Variants in RNF180 observed in about 807,000 individuals in gnomAD.
RNF180 encodes the protein E3 ubiquitin-protein ligase RNF180.
In RNF180, 38 loss-of-function variants were observed where a neutral mutation model predicts 59.2. The ratio of observed to expected loss-of-function variants is 0.64; its 90% CI spans 0.50 to 0.84. The LOEUF (loss-of-function observed/expected upper bound fraction) is 0.84. Ranked by LOEUF, RNF180 falls within the 40% of genes least tolerant of loss-of-function variation. The probability of loss-of-function intolerance (pLI) is 0.00; values close to 1 mark genes in which losing one functional copy is unlikely to be tolerated. For synonymous variants in RNF180, 262 were observed against 240.3 expected (o/e 1.09, Z -0.84); for missense variants, 705 against 700.9 (o/e 1.01, Z -0.07).
chr5:64,252,554 T>G (rs965708), intron 5 of RNF180, among the ~76,000 whole-genome samples: 1 of 151,906 alleles, frequency 6.6e-6, no homozygotes, highest in Non-Finnish European at 1.5e-5. Flanking sequence ...ACATACAAGG[T>G]TTTTTGTCAA....
At chr5:64,362,126 G>C (rs1218622006) in intron 7 of RNF180, among the ~76,000 whole-genome samples, 1 of 151,400 alleles carries the variant, frequency 6.6e-6, no homozygotes. Flanking sequence ...ACATGTGCAA[G>C]TTTGTTATAT....
intron 7 of RNF180, among the ~76,000 whole-genome samples, chr5:64,330,695 A>T (rs1039412013): frequency 3.9e-5 from 6 of 152,246 alleles, no homozygotes; most frequent in African/African-American, 1.4e-4. Context: ...AAAGTATCAG[A>T]TTTGACAAAG....
intron 5 of RNF180, among the ~76,000 whole-genome samples, chr5:64,234,986 C>T (rs1742346740): frequency 1.3e-5 from 2 of 152,044 alleles, no homozygotes. Context: ...AAGCAAAAAA[C>T]AAAGCAGGGG....
Position 64,365,742 on chromosome 5 carries a change from G to A in RNF180, c.1580-3873G>A, listed in dbSNP as rs114745813. Among the ~76,000 whole-genome samples, 1,272 of 151,656 alleles carry A rather than the reference G, an allele frequency of 8.4e-3. 17 individuals are homozygous for A. The highest frequency in any genetic ancestry group is 0.029 in the African/African-American group (1,210 of 41,458). On this transcript the variant is annotated intron_variant, in intron 7 of 7. Coordinates refer to ENST00000389100, the MANE Select transcript of RNF180 (RefSeq NM_001113561.2). ...TTACCGTTATGTAATGCCCCTCTTT[G>A]TCTTTTTTTATCTTTGTTGGTTTAA... is the stretch of plus-strand genomic sequence containing the variant.
At chr5:64,253,951 A>G (rs4700621) in intron 5 of RNF180, among the ~76,000 whole-genome samples, 23,971 of 151,990 alleles carry the variant, frequency 0.16, 2,554 homozygotes, top group East Asian at 0.59. Context: ...TTAAAAGTGA[A>G]CTTATTTTTT....
chr5:64,178,290 T>TA (rs1456527138), intron 1 of RNF180, among the ~76,000 whole-genome samples: 2 of 151,702 alleles, frequency 1.3e-5, no homozygotes, highest in African/African-American at 4.8e-5. Context: ...AGGGAATATA[T>TA]ATACCCCAGC....
At chr5:64,172,279 AG>A (rs1749979251) in intron 1 of RNF180, among the ~76,000 whole-genome samples, 1 of 152,174 alleles carries the variant, frequency 6.6e-6, no homozygotes, top group Admixed American at 6.5e-5. Context: ...ATGTACAAAA[AG>A]GATTACAGGT....
At chr5:64,174,404 C>T (rs1217618671) in intron 1 of RNF180, among the ~76,000 whole-genome samples, 2 of 152,170 alleles carry the variant, frequency 1.3e-5, no homozygotes, top group African/African-American at 4.8e-5. Flanking sequence ...AATGGCTGGA[C>T]AAATTTACAT....
At chr5:64,299,546 A>T (rs997207665) in intron 5 of RNF180, among the ~76,000 whole-genome samples, 5 of 152,000 alleles carry the variant, frequency 3.3e-5, no homozygotes, top group African/African-American at 1.2e-4. Context: ...TATTTTAAAA[A>T]TTGATTTAAA....
chr5:64,301,340 A>G (rs1192224083), intron 5 of RNF180, among the ~76,000 whole-genome samples: 1 of 151,774 alleles, frequency 6.6e-6, no homozygotes, highest in Non-Finnish European at 1.5e-5. Flanking sequence ...TTGATCTGCA[A>G]ACGTCAAAAT....
At chr5:64,318,184 G>A (rs575996500) in intron 5 of RNF180, among the ~76,000 whole-genome samples, 2 of 152,138 alleles carry the variant, frequency 1.3e-5, no homozygotes, top group Admixed American at 6.5e-5. Flanking sequence ...TTAAAAATTA[G>A]TCACAGTAAG....
rs73100373 is a variant in RNF180 at position 64,184,749 on chromosome 5, G to A, written c.1-16059G>A. ...TGGTGATGCCTTTGGAACACCTGGC[G>A]GATATGGTGTGAAACTCTGTTTCCA... On this transcript the variant is annotated intron_variant, in intron 1 of 7. Coordinates refer to ENST00000389100, the MANE Select transcript of RNF180 (RefSeq NM_001113561.2). Among the ~76,000 whole-genome samples, 747 of 152,224 alleles carry A rather than the reference G, an allele frequency of 4.9e-3. 10 individuals are homozygous for A. Among genetic ancestry groups the A allele is most frequent in the African/African-American group, 0.017 (699 of 41,516 alleles).
intron 5 of RNF180, among the ~76,000 whole-genome samples, chr5:64,282,394 C>T (rs1742058275): frequency 6.6e-6 from 1 of 151,952 alleles, no homozygotes; most frequent in Admixed American, 6.6e-5. Flanking sequence ...TAGTAATGTC[C>T]CCTTTGTTGA....
chr5:64,305,756 T>A (rs1353907070), intron 5 of RNF180, among the ~76,000 whole-genome samples: 2 of 151,566 alleles, frequency 1.3e-5, no homozygotes, highest in East Asian at 1.9e-4. Context: ...GCAACAGAGA[T>A]TTATTTATTT....
At chr5:64,195,450 C>A (rs1392943867) in intron 1 of RNF180, among the ~76,000 whole-genome samples, 1 of 152,156 alleles carries the variant, frequency 6.6e-6, no homozygotes, top group African/African-American at 2.4e-5. Flanking sequence ...GTGTTCTCCC[C>A]AGTTCCTCAG....
chr5:64,325,485 TAA>T (rs1055747094), intron 6 of RNF180, 74 bp downstream of exon 6: 10 of 1,117,648 alleles, frequency 8.9e-6, no homozygotes, highest in African/African-American at 1.6e-5. Flanking sequence ...CTTTATAAAT[TAA>T]AAAGTTACTG....
rs548993340 is a variant in RNF180, at chr5:64,367,252, T to C, written c.1580-2363T>C. The stretch of plus-strand genomic sequence containing the variant: ...ACCTGGAAGCAAAAGAATGATATCA[T>C]GAAAACACATGAAAGTAAAACCCAA... On this transcript the variant is annotated intron_variant, in intron 7 of 7. Transcript: ENST00000389100. Among the ~76,000 whole-genome samples, 65 of 151,432 alleles carry C rather than the reference T, an allele frequency of 4.3e-4. No individual in the cohort carries two copies. The Middle Eastern group carries it at 0.014, about 32-fold the overall frequency.
chr5:64,337,365 G>C (rs1331056636), intron 7 of RNF180, among the ~76,000 whole-genome samples: 10 of 151,960 alleles, frequency 6.6e-5, no homozygotes, highest in African/African-American at 2.4e-4. Context: ...TCTTTATCTA[G>C]AATCTTCCCC....
chr5:64,360,089 A>G (rs965792982), intron 7 of RNF180, among the ~76,000 whole-genome samples: 1 of 151,620 alleles, frequency 6.6e-6, no homozygotes, highest in Non-Finnish European at 1.5e-5. Context: ...GCTTTGTTCT[A>G]TTGGCTTAGG....
Sources: allele counts gnomAD v4.1 joint callset (sites outside exome capture counted in the v4.1 genomes callset), GRCh38; gene constraint gnomAD v4.1.1; transcripts MANE v1.5; gene names NCBI Gene and HGNC (gene_info 2026-07-23, HGNC 2026-07-21).